The following TTC29 variants were observed in gnomAD, a reference collection of about 807,000 sequenced individuals.
TTC29 encodes tetratricopeptide repeat domain 29.
A neutral mutation model predicts 58.1 loss-of-function variants in TTC29; 49 were observed. The ratio of observed to expected loss-of-function variants is 0.84; its 90% confidence interval spans 0.67 to 1.07. The LOEUF (loss-of-function observed/expected upper bound fraction) is 1.07, where lower values mean the gene tolerates loss of function less well. TTC29 is among the 50% of genes least tolerant of loss of function. The pLI is 0.00. For synonymous variants in TTC29, 209 were observed against 196.8 expected, an observed-to-expected ratio of 1.06 and a Z score of -0.52; for missense variants, 582 against 555.6, an observed-to-expected ratio of 1.05 and a Z score of -0.48.
At chr4:146,741,171 A>G (rs1268437071) in intron 11 of TTC29, among the ~76,000 whole-genome samples, 1 of 152,248 alleles carries the variant, frequency 6.6e-6, no homozygotes, top group Non-Finnish European at 1.5e-5. Context: ...ATTTTAGTGC[A>G]AACACATGAT....
intron 11 of TTC29, among the ~76,000 whole-genome samples, chr4:146,727,130 C>T (rs1442992426): frequency 6.6e-6 from 1 of 151,574 alleles, no homozygotes; most frequent in African/African-American, 2.4e-5. Context: ...ATGAATGTCA[C>T]CATACTATGC....
chr4:146,781,729 G>T (rs1382558121), intron 11 of TTC29, among the ~76,000 whole-genome samples: 1 of 151,832 alleles, frequency 6.6e-6, no homozygotes, highest in Non-Finnish European at 1.5e-5. Flanking sequence ...CTCTAGTATA[G>T]GACTACCAGA....
At chr4:146,941,547 C>T (rs1736391353) in intron 2 of TTC29, among the ~76,000 whole-genome samples, 1 of 152,112 alleles carries the variant, frequency 6.6e-6, no homozygotes. Context: ...AGATTCTCTG[C>T]TGGAAAACAA....
intron 11 of TTC29, among the ~76,000 whole-genome samples, chr4:146,745,118 G>T (rs1260089786): frequency 1.3e-5 from 2 of 152,168 alleles, no homozygotes; most frequent in Non-Finnish European, 2.9e-5. Context: ...GTTCACAGTT[G>T]GGGATATTGG....
intron 11 of TTC29, among the ~76,000 whole-genome samples, chr4:146,715,602 A>G (rs535970192): frequency 4.6e-5 from 7 of 152,082 alleles, no homozygotes; most frequent in South Asian, 2.1e-4. Context: ...TGGGTATTAG[A>G]GGCTGGGAAG....
chr4:146,725,528 C>A (rs1036145672), intron 11 of TTC29, among the ~76,000 whole-genome samples: 3 of 151,934 alleles, frequency 2.0e-5, no homozygotes, highest in African/African-American at 7.3e-5. Context: ...CAGAGTGATA[C>A]CTTGTTTCAA....
intron 8 of TTC29, among the ~76,000 whole-genome samples, chr4:146,839,701 TA>T (rs936495467): frequency 6.6e-6 from 1 of 151,718 alleles, no homozygotes; most frequent in Admixed American, 6.6e-5. Flanking sequence ...GTTTGCTCCT[TA>T]AAAAAGAAAA....
chr4:146,920,576 C>CTATG (rs975081936), intron 4 of TTC29, among the ~76,000 whole-genome samples: 2 of 150,924 alleles, frequency 1.3e-5, no homozygotes, highest in Non-Finnish European at 3.0e-5. Flanking sequence ...ATTTCTCTTA[C>CTATG]TATGGCATGT....
intron 4 of TTC29, among the ~76,000 whole-genome samples, chr4:146,918,829 G>A (rs373751675): frequency 7.9e-5 from 12 of 151,040 alleles, no homozygotes; most frequent in African/African-American, 2.7e-4. Flanking sequence ...AGTTACCCAC[G>A]GTAGCTGTCG....
At chr4:146,933,211 C>T (rs928535923) in intron 4 of TTC29, among the ~76,000 whole-genome samples, 3 of 152,132 alleles carry the variant, frequency 2.0e-5, no homozygotes, top group Non-Finnish European at 2.9e-5. Context: ...ATAAGATGTT[C>T]GGAAAGAAAG....
chr4:146,933,413 T>C (rs1448707214), intron 4 of TTC29, among the ~76,000 whole-genome samples: 1 of 152,262 alleles, frequency 6.6e-6, no homozygotes, highest in Non-Finnish European at 1.5e-5. Flanking sequence ...TAAATGACTC[T>C]TTTATTACTT....
At position 146,803,683 on chromosome 4, in the gene TTC29, T is replaced by C. The variant is rs1340245062; in HGVS notation, c.1104A>G (p.Gly368=). ...AGCATTCAGAAGCTTTGTTGTAGTA[T>C]CCCTAAAAAGGTAAGAGAAATAATT... ...TMLGDIYNEK[G]YYNKASECFQ... Residue 368 remains glycine (G), a splice_region_variant and synonymous_variant, in exon 11 of 13, where the codon GGA becomes GGG. Transcript: ENST00000325106. 6.4e-7 allele frequency: 1 copy of C among 1,570,752 alleles called. No homozygotes were observed. The highest frequency in any genetic ancestry group is 1.8e-5 in the Admixed American group (1 of 55,574).
At chr4:146,847,839 G>A (rs373903344) in intron 8 of TTC29, among the ~76,000 whole-genome samples, 5 of 152,186 alleles carry the variant, frequency 3.3e-5, no homozygotes, top group East Asian at 1.9e-4. Context: ...ATCACGCAGC[G>A]TGTCTTCACT....
At chr4:146,778,389 CT>C (rs1442735045) in intron 11 of TTC29, among the ~76,000 whole-genome samples, 1 of 151,486 alleles carries the variant, frequency 6.6e-6, no homozygotes, top group African/African-American at 2.4e-5. Context: ...TATTTACTTG[CT>C]TTTTTTGAAA....
At chr4:146,798,273 G>A (rs750636523) in intron 11 of TTC29, among the ~76,000 whole-genome samples, 2 of 152,044 alleles carry the variant, frequency 1.3e-5, no homozygotes, top group Non-Finnish European at 2.9e-5. Context: ...GGAACAGCGG[G>A]GGATAGGGTA....
chr4:146,728,089 T>A (rs1743923856), intron 11 of TTC29, among the ~76,000 whole-genome samples: 1 of 151,788 alleles, frequency 6.6e-6, no homozygotes, highest in Non-Finnish European at 1.5e-5. Flanking sequence ...GCATTCAAGA[T>A]CAGCCTGGCC....
chr4:146,757,260 C>T (rs567778362), intron 11 of TTC29, among the ~76,000 whole-genome samples: 7 of 151,996 alleles, frequency 4.6e-5, no homozygotes, highest in South Asian at 2.1e-4. Flanking sequence ...CCTTTTCCTA[C>T]GGATGTGGCT....
chr4:146,893,126 G>A (rs1313790643), intron 6 of TTC29, among the ~76,000 whole-genome samples: 1 of 152,098 alleles, frequency 6.6e-6, no homozygotes, highest in East Asian at 1.9e-4. Context: ...TATAGATTCA[G>A]TGCCATCCCC....
At chr4:146,906,359 A>G (rs1455493081) in intron 5 of TTC29, among the ~76,000 whole-genome samples, 1 of 152,212 alleles carries the variant, frequency 6.6e-6, no homozygotes, top group Admixed American at 6.5e-5. Flanking sequence ...TGTTAATGCC[A>G]TAGCTTTGAT....
Sources: allele counts gnomAD v4.1 joint callset (sites outside exome capture counted in the v4.1 genomes callset), GRCh38; gene constraint gnomAD v4.1.1; transcripts MANE v1.5; gene names NCBI Gene and HGNC (gene_info 2026-07-23, HGNC 2026-07-21).